The following PTPRD variants were observed in gnomAD, a reference collection of about 807,000 sequenced individuals.
PTPRD encodes the protein protein tyrosine phosphatase receptor type D.
Under a neutral mutation model 214.5 loss-of-function variants are expected in PTPRD, and 34 were observed. The ratio of observed to expected loss-of-function variants is 0.16; its 90% CI spans 0.12 to 0.21. PTPRD has a LOEUF of 0.21. PTPRD is among the 10% of genes least tolerant of loss of function. The pLI, the probability that PTPRD is intolerant of heterozygous loss-of-function variation, is 1.00. For synonymous variants in PTPRD, 1,128 were observed against 845.7 expected (o/e 1.33, Z -5.79); for missense variants, 2,545 against 2,398.7 (o/e 1.06, Z -1.27).
At chr9:8,757,645 TACATATATAC>T (rs2094114060) in intron 11 of PTPRD, among the ~76,000 whole-genome samples, 1 of 139,370 alleles carries the variant, frequency 7.2e-6, no homozygotes, top group East Asian at 2.0e-4. Flanking sequence ...TATATATACA[TACATATATAC>T]ATATATATAT....
chr9:8,751,266 A>G (rs1337423851), intron 11 of PTPRD, among the ~76,000 whole-genome samples: 2 of 152,158 alleles, frequency 1.3e-5, no homozygotes, highest in Non-Finnish European at 2.9e-5. Flanking sequence ...AGTACCTGAC[A>G]TTAGTTCTCA....
In PTPRD at chr9:10,136,450, G is replaced by A. The variant is rs373210069; in HGVS notation, c.-544-102660C>T. On this transcript the variant is annotated intron_variant, in intron 3 of 45. Transcript: ENST00000381196. ...TACACAGTCTTTTAATCTGCACTCA[G>A]AACATACTCTAAGATCAGTCACAGG... Among the ~76,000 whole-genome samples the A allele has an allele frequency of 2.9e-4, 44 of 152,164 alleles. 2 individuals carry two copies. The highest frequency in any genetic ancestry group is 2.2e-3 in the Admixed American group (33 of 15,248).
Position 9,842,550 on chromosome 9 carries a change from T to A in PTPRD, c.-367-75699A>T, listed in dbSNP as rs183241954. Among the ~76,000 whole-genome samples, 5 of 152,118 alleles carry A rather than the reference T, an allele frequency of 3.3e-5. No homozygotes were observed. In the East Asian group the frequency reaches 9.7e-4, roughly 29 times the overall value. ...ATATTTGGGAACAAAAAAGAGAGAC[T>A]AGATGTCAGTATTAATTATAAAACT... On this transcript the variant is annotated intron_variant, in intron 5 of 45. Transcript: ENST00000381196.
At chr9:10,384,379 C>A (rs1184706472) in intron 2 of PTPRD, among the ~76,000 whole-genome samples, 1 of 151,536 alleles carries the variant, frequency 6.6e-6, no homozygotes, top group African/African-American at 2.4e-5. Flanking sequence ...TTTTTCTTGA[C>A]TGGGTGATTT....
At chr9:10,509,470 C>CATCTATCTATCTATCTATCTATCT (rs4008059) in intron 2 of PTPRD, among the ~76,000 whole-genome samples, 56 of 138,148 alleles carry the variant, frequency 4.1e-4, no homozygotes, top group African/African-American at 9.3e-4. Context: ...TTGATTGATC[C>CATCTATCTATCTATCTATCTATCT]ATCTATCTAT....
intron 11 of PTPRD, among the ~76,000 whole-genome samples, chr9:8,895,368 T>C (rs1294155643): frequency 1.3e-5 from 2 of 152,194 alleles, no homozygotes; most frequent in African/African-American, 4.8e-5. Context: ...TATTAATGGA[T>C]AATATGTTCC....
intron 7 of PTPRD, among the ~76,000 whole-genome samples, chr9:9,694,029 C>G (rs565694790): frequency 6.6e-6 from 1 of 152,272 alleles, no homozygotes; most frequent in Non-Finnish European, 1.5e-5. Flanking sequence ...CTTTGAGTTT[C>G]CTCAAAACAG....
chr9:10,562,729 AAT>A (rs2064353701), intron 2 of PTPRD, among the ~76,000 whole-genome samples: 1 of 152,144 alleles, frequency 6.6e-6, no homozygotes, highest in South Asian at 2.1e-4. Context: ...ACATGCATAG[AAT>A]AGTCCAAATG....
chr9:8,638,081 C>G (rs1460785487), intron 12 of PTPRD, among the ~76,000 whole-genome samples: 1 of 150,754 alleles, frequency 6.6e-6, no homozygotes, highest in Non-Finnish European at 1.5e-5. Flanking sequence ...TTTTAAAGCC[C>G]CAAAACATTT....
At chr9:9,126,817 T>C (rs866585775) in intron 10 of PTPRD, among the ~76,000 whole-genome samples, 1 of 152,212 alleles carries the variant, frequency 6.6e-6, no homozygotes, top group East Asian at 1.9e-4. Flanking sequence ...ATTATTGTAA[T>C]CCTACACATT....
At chr9:8,656,556 T>C (rs1173106461) in intron 12 of PTPRD, among the ~76,000 whole-genome samples, 1 of 152,214 alleles carries the variant, frequency 6.6e-6, no homozygotes, top group Non-Finnish European at 1.5e-5. Context: ...CATGGTCAAA[T>C]ACATTATACA....
chr9:9,325,834 A>C (rs1193285699), intron 9 of PTPRD, among the ~76,000 whole-genome samples: 2 of 152,318 alleles, frequency 1.3e-5, no homozygotes, highest in African/African-American at 4.8e-5. Flanking sequence ...TGGGCTTGTC[A>C]TAAATAACTC....
rs983084753 is a variant in PTPRD at position 8,713,790 on chromosome 9, C to T, written c.64+19990G>A. 27 of 1,537,480 alleles carry T rather than the reference C, an allele frequency of 1.8e-5. No homozygotes were observed. In the South Asian group the frequency reaches 3.0e-4, roughly 17 times the overall value. ...TCCCGCTGCCCCACCGGGTCCTGCG[C>T]CTTCAGCACAAGCCACGATTCACCA... On this transcript the variant is annotated intron_variant, in intron 12 of 45. Transcript: ENST00000381196.
At position 8,905,753 on chromosome 9, in the gene PTPRD, A is replaced by T. The variant is rs2098703462; in HGVS notation, c.-104+112944T>A. ...GACTCCCTCGCAAAAAAAAAAAAAA[A>T]AATGGAGAGAGAGAAAAGAATTAGC... On this transcript the variant is annotated intron_variant, in intron 11 of 45. Transcript: ENST00000381196. 2.6e-5 allele frequency among the ~76,000 whole-genome samples: 4 copies of T among 151,926 alleles called. No homozygotes were observed. In the South Asian group the frequency reaches 6.2e-4, roughly 24 times the overall value.
chr9:9,462,620 C>A (rs1322905013), intron 8 of PTPRD, among the ~76,000 whole-genome samples: 2 of 152,042 alleles, frequency 1.3e-5, no homozygotes, highest in African/African-American at 4.8e-5. Context: ...GTTCTAGTTG[C>A]CTCGTTGTTT....
At chr9:9,463,669 C>T (rs2093875946) in intron 8 of PTPRD, among the ~76,000 whole-genome samples, 1 of 151,880 alleles carries the variant, frequency 6.6e-6, no homozygotes. Context: ...TCAGAGGGTA[C>T]ATATGCATGT....
intron 10 of PTPRD, among the ~76,000 whole-genome samples, chr9:9,153,718 A>G (rs1346008883): frequency 6.6e-6 from 1 of 152,204 alleles, no homozygotes; most frequent in Non-Finnish European, 1.5e-5. Context: ...GGCAAATTTC[A>G]AATACACTTT....
chr9:10,025,913 T>C (rs1396176449), intron 4 of PTPRD, among the ~76,000 whole-genome samples: 1 of 152,076 alleles, frequency 6.6e-6, no homozygotes, highest in East Asian at 1.9e-4. Context: ...TAAGAAAAGA[T>C]CCTAACCAAA....
intron 11 of PTPRD, among the ~76,000 whole-genome samples, chr9:8,879,314 A>G (rs2098422116): frequency 6.6e-6 from 1 of 152,206 alleles, no homozygotes; most frequent in Non-Finnish European, 1.5e-5. Flanking sequence ...GCATTAGTGG[A>G]GAGGGTCAGT....
Sources: allele counts gnomAD v4.1 joint callset (sites outside exome capture counted in the v4.1 genomes callset), GRCh38; gene constraint gnomAD v4.1.1; transcripts MANE v1.5; gene names NCBI Gene and HGNC (gene_info 2026-07-23, HGNC 2026-07-21).